MFSD1: variants seen among roughly 807,000 people sequenced by gnomAD.
MFSD1 encodes lysosomal dipeptide transporter MFSD1.
MFSD1 carries 59 observed loss-of-function variants against 67.1 expected under a neutral mutation model. That is an observed-to-expected ratio of 0.88 (90% CI 0.71 to 1.09). The LOEUF (loss-of-function observed/expected upper bound fraction) is 1.09, where lower values mean the gene tolerates loss of function less well. Ranked by LOEUF, MFSD1 falls within the 50% of genes least tolerant of loss-of-function variation. The pLI, the probability that MFSD1 is intolerant of heterozygous loss-of-function variation, is 0.00. For missense variants in MFSD1, 552 were observed against 566.1 expected (o/e 0.97, Z 0.25); for synonymous variants, 213 against 200.3 (o/e 1.06, Z -0.54).
rs753447565 is a variant in MFSD1 at position 158,829,160 on chromosome 3, T to C, written c.*178T>C. On this transcript the variant is annotated 3_prime_UTR_variant, in exon 16 of 16. Coordinates refer to ENST00000415822, the MANE Select transcript of MFSD1 (RefSeq NM_022736.4). The stretch of plus-strand genomic sequence containing the variant: ...TGAGGCCTGTTTTAGCCTGTGTCTT[T>C]TGTATTGTGTGTTGCTAAAGAATTC... 9.1e-6 allele frequency: 4 copies of C among 440,326 alleles called. No homozygotes were observed. The highest frequency in any genetic ancestry group is 1.5e-5 in the Non-Finnish European group (4 of 258,694). The allele number at this position is 440,326 out of a possible 1,614,324, so 27.3% of individuals were successfully genotyped here. A position where few individuals can be genotyped will look rare whatever the true frequency, so the allele number is the denominator to read the frequency against.
At chr3:158,827,976 G>GACAGAGAC (rs1371636474) in intron 15 of MFSD1, among the ~76,000 whole-genome samples, 4 of 78,868 alleles carry the variant, frequency 5.1e-5, no homozygotes, top group Non-Finnish European at 7.6e-5. Context: ...GAGAGAGAGA[G>GACAGAGAC]AGACAGAGAT....
rs1553759912 is a variant in MFSD1, at chr3:158,827,976, G to GAGAGAGAGAGAGAGAC, written c.1394+642_1394+643insGAGAGAGAGAGACAGA. On this transcript the variant is annotated intron_variant, in intron 15 of 15. Coordinates refer to ENST00000415822, the MANE Select transcript of MFSD1 (RefSeq NM_022736.4). ...AGAGAGAGAGAGAGAGAGAGAGAGA[G>GAGAGAGAGAGAGAGAC]AGACAGAGATCGATCTATATTACTT... Among the ~76,000 whole-genome samples, 30 of 78,892 alleles carry GAGAGAGAGAGAGAGAC rather than the reference G, an allele frequency of 3.8e-4. 2 individuals are homozygous for GAGAGAGAGAGAGAGAC. Among genetic ancestry groups the GAGAGAGAGAGAGAGAC allele is most frequent in the South Asian group, 1.1e-3 (2 of 1,828 alleles). 51.8% of individuals were successfully genotyped at this position (78,892 alleles called of 152,430 possible). A position where few individuals can be genotyped will look rare whatever the true frequency, so the allele number is the denominator to read the frequency against.
In MFSD1 at chr3:158,802,228, GC is replaced by G; in HGVS notation, c.80del (p.Pro27LeufsTer22). 6.2e-7 allele frequency: 1 copy of G among 1,610,506 alleles called. No homozygotes were observed. Among genetic ancestry groups the G allele is most frequent in the South Asian group, 1.1e-5 (1 of 90,724 alleles). The part of the protein sequence containing the change: ...PDEADRGAPA[A>X]PGALPALCDP... Reference sequence around the variant, plus strand: ...CGAGGCCGACAGAGGTGCCCCGGCCGCCCCTGGAGCCCTGCCGGCCCTCTGC... The same window carrying G: ...CGAGGCCGACAGAGGTGCCCCGGCCGCCCTGGAGCCCTGCCGGCCCTCTGC... On this transcript the variant is annotated frameshift_variant, in exon 1 of 16. Coordinates refer to ENST00000415822, the MANE Select transcript of MFSD1 (RefSeq NM_022736.4). LOFTEE classifies it high-confidence loss of function.
intron 13 of MFSD1, 64 bp downstream of exon 13, chr3:158,824,300 CT>C (rs1730842491): frequency 1.7e-6 from 2 of 1,176,154 alleles, no homozygotes; most frequent in Non-Finnish European, 2.5e-6. Flanking sequence ...CTTATTTTTA[CT>C]TAGGCATAGC....
At position 158,819,709 on chromosome 3, in the gene MFSD1, G is replaced by A; in HGVS notation, c.713G>A (p.Arg238Lys). The A allele has an allele frequency of 1.2e-6, 2 of 1,610,030 alleles. No individual in the cohort carries two copies. Among genetic ancestry groups the A allele is most frequent in the Non-Finnish European group, 1.7e-6 (2 of 1,177,208 alleles). Residue 238 changes from arginine (R) to lysine (K), a missense_variant, in exon 8 of 16, where the codon AGA becomes AAA. Arg to Lys is a conservative substitution (Grantham distance 26). Coordinates refer to ENST00000415822, the MANE Select transcript of MFSD1 (RefSeq NM_022736.4). Reference protein sequence around the residue: ...CALALAYLDQRAERILHKEQG... With the variant: ...CALALAYLDQKAERILHKEQG... Reference sequence around the variant, plus strand: ...TTGGCTCTTGCCTACTTGGATCAGAGAGCAGAGAGAATCCTTCATAAAGAA... The same window carrying A: ...TTGGCTCTTGCCTACTTGGATCAGAAAGCAGAGAGAATCCTTCATAAAGAA...
At chr3:158,809,481 T>A (rs1729894553) in intron 6 of MFSD1, among the ~76,000 whole-genome samples, 194 bp downstream of exon 6, 1 of 152,154 alleles carries the variant, frequency 6.6e-6, no homozygotes, top group African/African-American at 2.4e-5. Flanking sequence ...TAGTAAACAG[T>A]CTAAAATGGT....
chr3:158,815,958 C>CCAT (rs1442171228), intron 7 of MFSD1, among the ~76,000 whole-genome samples: 2 of 152,088 alleles, frequency 1.3e-5, no homozygotes, highest in Non-Finnish European at 2.9e-5. Flanking sequence ...CCAGTTTCAT[C>CCAT]CATGTCCCTA....
rs533382518 is a variant in MFSD1 at position 158,810,318 on chromosome 3, A to T, written c.549+1031A>T. Among the ~76,000 whole-genome samples, 99 of 151,998 alleles carry T rather than the reference A, an allele frequency of 6.5e-4. 1 individual carries two copies. In the South Asian group the frequency reaches 0.011, roughly 16 times the overall value. ...CCCATGAATAGAGTATTAAAAAAAA[A>T]TTTTTTTTGCCACTAAAAATCAAGC... On this transcript the variant is annotated intron_variant, in intron 6 of 15. Coordinates refer to ENST00000415822, the MANE Select transcript of MFSD1 (RefSeq NM_022736.4).
Position 158,826,730 on chromosome 3 carries a change from C to T in MFSD1, c.1337-550C>T, listed in dbSNP as rs142682098. Among the ~76,000 whole-genome samples, 439 of 150,298 alleles carry T rather than the reference C, an allele frequency of 2.9e-3. 4 individuals carry two copies. Among genetic ancestry groups the T allele is most frequent in the African/African-American group, 0.01 (413 of 40,802 alleles). On this transcript the variant is annotated intron_variant, in intron 14 of 15. Coordinates refer to ENST00000415822, the MANE Select transcript of MFSD1 (RefSeq NM_022736.4). ...TCACCCAGGCTGGAGTGCAGTGGTG[C>T]GATCCCAGCTCACTGCAGCCTCAAC... is the stretch of plus-strand genomic sequence containing the variant.
At position 158,826,052 on chromosome 3, in the gene MFSD1, T is replaced by C; in HGVS notation, c.1326T>C (p.Asn442=). The C allele has an allele frequency of 6.2e-7, 1 of 1,613,608 alleles. No individual in the cohort carries two copies. ...LLSVVLLYLV[N]RAQGGNLNYS... is the part of the protein sequence containing the mutation. The stretch of plus-strand genomic sequence containing the variant: ...CTGTGGTCTTACTCTATTTGGTGAA[T>C]CGTGCCCAGGGTAAGTAGAAGATCT... The change falls in exon 14 of 16, where the codon AAT becomes AAC. Residue 442 remains asparagine (N), a synonymous_variant. Coordinates refer to ENST00000415822, the MANE Select transcript of MFSD1 (RefSeq NM_022736.4).
Position 158,824,106 on chromosome 3 carries a change from A to T in MFSD1, c.1176-18A>T. 1 of 1,563,958 alleles carries T rather than the reference A, an allele frequency of 6.4e-7. No individual in the cohort carries two copies. On this transcript the variant is annotated intron_variant, in intron 12 of 15. Transcript: ENST00000415822. Reference sequence around the variant, plus strand: ...ACTTTTGAAAATGAAATGTGTCTTTATATTTCTTCCATTGTAGCATGCAGT... The same window carrying T: ...ACTTTTGAAAATGAAATGTGTCTTTTTATTTCTTCCATTGTAGCATGCAGT...
intron 7 of MFSD1, 151 bp from the exon 8 acceptor site, chr3:158,819,498 G>A (rs1057294705): frequency 3.5e-5 from 17 of 484,828 alleles, no homozygotes; most frequent in Non-Finnish European, 4.7e-5. Context: ...CTTTTGTCCC[G>A]ATTTAGTAAT....
In MFSD1 at chr3:158,829,029, G is replaced by T. The variant is rs1380266353; in HGVS notation, c.*47G>T. 1.3e-6 allele frequency: 2 copies of T among 1,557,484 alleles called. No individual in the cohort carries two copies. The highest frequency in any genetic ancestry group is 2.0e-5 in the Admixed American group (1 of 50,968). ...TGAGAATGGGCTTAACACATCGTTG[G>T]TTTGAAAACTTCCATTTTTAAAAAT... On this transcript the variant is annotated 3_prime_UTR_variant, in exon 16 of 16. Transcript: ENST00000415822.
chr3:158,828,851 A>C (rs921124561), intron 15 of MFSD1, 128 bp from the exon 16 acceptor site: 3 of 810,338 alleles, frequency 3.7e-6, no homozygotes, highest in Non-Finnish European at 3.6e-6. Context: ...AAAATTGCTC[A>C]GAAAAAAAAT....
At position 158,826,062 on chromosome 3, in the gene MFSD1, G is replaced by C; in HGVS notation, c.1336G>C (p.Gly446Arg). 1 of 1,613,128 alleles carries C rather than the reference G, an allele frequency of 6.2e-7. No homozygotes were observed. The highest frequency in any genetic ancestry group is 8.5e-7 in the Non-Finnish European group (1 of 1,179,316). ...ACTCTATTTGGTGAATCGTGCCCAG[G>C]GTAAGTAGAAGATCTGATATTTGCT... ...VLLYLVNRAQ[G>R]GNLNYSARQR... The change falls in exon 14 of 16, where the codon GGT becomes CGT. Residue 446 changes from glycine (G) to arginine (R), a missense_variant and splice_region_variant. By Grantham distance (125) the Gly-to-Arg change is moderately radical. Coordinates refer to ENST00000415822, the MANE Select transcript of MFSD1 (RefSeq NM_022736.4).
chr3:158,810,721 G>A (rs926090090), intron 6 of MFSD1, among the ~76,000 whole-genome samples: 1 of 152,202 alleles, frequency 6.6e-6, no homozygotes, highest in Non-Finnish European at 1.5e-5. Context: ...TGTGGGATAT[G>A]AGAGGATCCC....
intron 6 of MFSD1, among the ~76,000 whole-genome samples, chr3:158,811,459 A>C (rs747405305): frequency 6.6e-6 from 1 of 152,208 alleles, no homozygotes; most frequent in Non-Finnish European, 1.5e-5. Flanking sequence ...AATGCTACTT[A>C]AAATGGCAAA....
chr3:158,809,872 G>A (rs898879558), intron 6 of MFSD1, among the ~76,000 whole-genome samples: 3 of 152,200 alleles, frequency 2.0e-5, no homozygotes, highest in African/African-American at 7.2e-5. Flanking sequence ...TGAGCCATAT[G>A]ACATGGATCT....
chr3:158,808,219 G>A (rs1729823698), intron 5 of MFSD1, among the ~76,000 whole-genome samples: 1 of 152,190 alleles, frequency 6.6e-6, no homozygotes, highest in Admixed American at 6.5e-5. Flanking sequence ...ACAGGATTTG[G>A]ATTATTAGAA....
Sources: gnomAD v4.1 joint callset for allele counts (sites outside exome capture counted in the v4.1 genomes callset) on GRCh38, gnomAD v4.1.1 for gene constraint, MANE v1.5 for transcripts, NCBI Gene and HGNC (gene_info 2026-07-23, HGNC 2026-07-21) for gene names.